Variants in LUZP2 observed in about 807,000 individuals in gnomAD.
The protein encoded by LUZP2 is leucine zipper protein 2.
LUZP2 carries 52 observed loss-of-function variants against 51.6 expected under a neutral mutation model. That is an observed-to-expected ratio of 1.01 (90% confidence interval 0.81 to 1.27). The LOEUF (loss-of-function observed/expected upper bound fraction) is 1.27. Ranked by LOEUF, LUZP2 falls within the 50% of genes most tolerant of loss-of-function variation. The probability of loss-of-function intolerance (pLI) is 0.00; values close to 1 mark genes in which losing one functional copy is unlikely to be tolerated. For missense variants in LUZP2, 436 were observed against 395.4 expected (o/e 1.10, Z -0.87); for synonymous variants, 154 against 137.3 (o/e 1.12, Z -0.85).
intron 5 of LUZP2, among the ~76,000 whole-genome samples, chr11:24,874,501 C>T (rs1852185248): frequency 1.3e-5 from 2 of 152,118 alleles, no homozygotes; most frequent in Non-Finnish European, 2.9e-5. Flanking sequence ...GGACTGTATG[C>T]CTGCACTCCA....
chr11:24,693,443 G>T (rs965307755), intron 1 of LUZP2, among the ~76,000 whole-genome samples: 2 of 151,492 alleles, frequency 1.3e-5, no homozygotes, highest in African/African-American at 2.4e-5. Context: ...TTGAGTTACT[G>T]TTTTCCATAT....
Position 24,620,461 on chromosome 11 carries a change from G to T in LUZP2, c.63-108708G>T, listed in dbSNP as rs1464569810. On this transcript the variant is annotated intron_variant, in intron 1 of 11. Coordinates refer to ENST00000336930, the MANE Select transcript of LUZP2 (RefSeq NM_001009909.4). The stretch of plus-strand genomic sequence containing the variant: ...TCATACCTGCTCCTTTTTGCTCAGT[G>T]GTAATATTTGCACCTGAGGAAAATA... Among the ~76,000 whole-genome samples, 4 of 152,044 alleles carry T rather than the reference G, an allele frequency of 2.6e-5. No individual in the cohort carries two copies. The East Asian group carries it at 7.7e-4, about 29-fold the overall frequency.
At chr11:24,857,312 TACACAC>T (rs34365598) in intron 5 of LUZP2, among the ~76,000 whole-genome samples, 2 of 133,230 alleles carry the variant, frequency 1.5e-5, no homozygotes, top group South Asian at 2.3e-4. Flanking sequence ...TACATATATA[TACACAC>T]ACACACACAC....
chr11:24,882,757 A>C (rs1323812435), intron 5 of LUZP2, among the ~76,000 whole-genome samples: 1 of 137,122 alleles, frequency 7.3e-6, no homozygotes, highest in African/African-American at 2.5e-5. Flanking sequence ...TAGGTAACTC[A>C]TTGCTTTTTA....
intron 5 of LUZP2, among the ~76,000 whole-genome samples, chr11:24,885,421 A>G (rs1852638086): frequency 6.6e-6 from 1 of 152,092 alleles, no homozygotes; most frequent in Non-Finnish European, 1.5e-5. Flanking sequence ...ATGAAAGAGA[A>G]AACAAGGACT....
intron 5 of LUZP2, among the ~76,000 whole-genome samples, chr11:24,897,797 C>CT (rs1853131333): frequency 2.6e-5 from 4 of 152,112 alleles, no homozygotes; most frequent in African/African-American, 7.2e-5. Flanking sequence ...TGTTTTTGTC[C>CT]TTTTTTTAAT....
In LUZP2 at chr11:24,944,243, A is replaced by G. The variant is rs190121478; in HGVS notation, c.522+29705A>G. Among the ~76,000 whole-genome samples the G allele has an allele frequency of 2.0e-3, 312 of 152,276 alleles. 1 individual carries two copies. The highest frequency in any genetic ancestry group is 7.0e-3 in the African/African-American group (292 of 41,562). On this transcript the variant is annotated intron_variant, in intron 7 of 11. Transcript: ENST00000336930. ...TTTGAAGCTCCTCGGTTAACTTAAT[A>G]TGCAACAATTTTGGGAACCACCACT...
At chr11:24,792,200 A>T (rs769845076) in intron 5 of LUZP2, among the ~76,000 whole-genome samples, 1 of 152,150 alleles carries the variant, frequency 6.6e-6, no homozygotes, top group Non-Finnish European at 1.5e-5. Context: ...AGGTGGAGGC[A>T]GGCGGGCCAT....
chr11:25,040,776 ATT>A (rs1195545699), intron 9 of LUZP2, among the ~76,000 whole-genome samples: 1 of 152,126 alleles, frequency 6.6e-6, no homozygotes, highest in Non-Finnish European at 1.5e-5. Flanking sequence ...TGATGATCTC[ATT>A]TTTGTCAGGA....
intron 1 of LUZP2, among the ~76,000 whole-genome samples, chr11:24,509,947 G>C (rs1410829331): frequency 6.6e-6 from 1 of 152,084 alleles, no homozygotes. Context: ...ACAGGTAGTG[G>C]GCAATGTGTG....
rs557443005 is a variant in LUZP2 at position 24,501,511 on chromosome 11, G to A, written c.62+4206G>A. On this transcript the variant is annotated intron_variant, in intron 1 of 11. Coordinates refer to ENST00000336930, the MANE Select transcript of LUZP2 (RefSeq NM_001009909.4). ...TGGTGTGTGTTATAAGAAACTATGT[G>A]TGCGGCTGTTTCTCAGTGACTTCTA... 5.3e-5 allele frequency among the ~76,000 whole-genome samples: 8 copies of A among 152,312 alleles called. No individual in the cohort carries two copies. The East Asian group carries it at 1.5e-3, about 29-fold the overall frequency.
chr11:25,080,869 C>T lies in LUZP2; in HGVS notation c.*2211C>T, dbSNP rs1374133. On this transcript the variant is annotated 3_prime_UTR_variant, in exon 12 of 12. Transcript: ENST00000336930. ...AAAAAGAAGAATCAGGCTGTTATTT[C>T]CTGAAATTGTTATGAGAGATAACAT... is the stretch of plus-strand genomic sequence containing the variant. 59,446 of 151,688 alleles carry T rather than the reference C, an allele frequency of 0.39. 13,078 individuals carry two copies. The highest frequency in any genetic ancestry group is 0.88 in the East Asian group (4,524 of 5,154). 9.4% of individuals were successfully genotyped at this position (151,688 alleles called of 1,614,324 possible). A position where few individuals can be genotyped will look rare whatever the true frequency, so the allele number is the denominator to read the frequency against.
chr11:24,832,534 C>T (rs1279074009), intron 5 of LUZP2, among the ~76,000 whole-genome samples: 1 of 147,616 alleles, frequency 6.8e-6, no homozygotes, highest in African/African-American at 2.5e-5. Context: ...GTTAATGATC[C>T]ATTCTTTTGT....
At chr11:24,677,774 G>T (rs2133862675) in intron 1 of LUZP2, among the ~76,000 whole-genome samples, 1 of 152,288 alleles carries the variant, frequency 6.6e-6, no homozygotes, top group East Asian at 1.9e-4. Flanking sequence ...AGAGGGCGGG[G>T]TGTGGTGGCT....
intron 5 of LUZP2, among the ~76,000 whole-genome samples, chr11:24,835,500 A>ACTAG (rs1005976657): frequency 1.3e-5 from 2 of 152,142 alleles, no homozygotes; most frequent in Admixed American, 1.3e-4. Flanking sequence ...AGCAAAATAA[A>ACTAG]CTAGCATCAG....
At chr11:24,668,044 T>G (rs1856275212) in intron 1 of LUZP2, among the ~76,000 whole-genome samples, 1 of 152,218 alleles carries the variant, frequency 6.6e-6, no homozygotes, top group South Asian at 2.1e-4. Flanking sequence ...TAATAAAGAC[T>G]ATAGCAGACT....
At chr11:25,035,701 C>T (rs1021584145) in intron 9 of LUZP2, among the ~76,000 whole-genome samples, 1 of 152,024 alleles carries the variant, frequency 6.6e-6, no homozygotes, top group African/African-American at 2.4e-5. Context: ...GTAAAATATA[C>T]ATCAATTTTA....
intron 5 of LUZP2, among the ~76,000 whole-genome samples, chr11:24,784,900 GT>G (rs1849198382): frequency 6.6e-6 from 1 of 151,962 alleles, no homozygotes; most frequent in Non-Finnish European, 1.5e-5. Flanking sequence ...ATCACATGCT[GT>G]ACATGTAAAT....
intron 5 of LUZP2, among the ~76,000 whole-genome samples, chr11:24,858,609 T>C (rs1851639779): frequency 6.6e-6 from 1 of 152,194 alleles, no homozygotes; most frequent in Non-Finnish European, 1.5e-5. Context: ...GCAAAGAAAC[T>C]TAATAATCCA....
Sources: gnomAD v4.1 joint callset for allele counts (sites outside exome capture counted in the v4.1 genomes callset) on GRCh38, gnomAD v4.1.1 for gene constraint, MANE v1.5 for transcripts, NCBI Gene and HGNC (gene_info 2026-07-23, HGNC 2026-07-21) for gene names.